The following SAMMSON variants were observed in gnomAD, a reference collection of about 807,000 sequenced individuals.
SAMMSON encodes the protein survival associated mitochondrial melanoma specific oncogenic non-coding RNA, also known as long intergenic non-protein coding RNA 1212.
At chr3:70,145,158 A>T (rs1265811020) in intron 4 of SAMMSON, among the ~76,000 whole-genome samples, 1 of 152,128 alleles carries the variant, frequency 6.6e-6, no homozygotes, top group East Asian at 1.9e-4. Context: ...TATCCTCCAG[A>T]TGCCCTCACA....
At chr3:70,322,090 C>A (rs1172436802) in intron 7 of SAMMSON, among the ~76,000 whole-genome samples, 1 of 151,926 alleles carries the variant, frequency 6.6e-6, no homozygotes, top group Non-Finnish European at 1.5e-5. Flanking sequence ...GCTTATCCTT[C>A]AAAAATTTGC....
intron 9 of SAMMSON, among the ~76,000 whole-genome samples, chr3:70,360,112 A>G (rs565023246): frequency 6.6e-6 from 1 of 152,272 alleles, no homozygotes; most frequent in South Asian, 2.1e-4. Flanking sequence ...TTGTCTATGT[A>G]AGAAATGAAC....
In SAMMSON at chr3:70,149,247, C is replaced by T. The variant is rs753268223; in HGVS notation, n.507+77682C>T. 1.2e-3 allele frequency among the ~76,000 whole-genome samples: 187 copies of T among 152,030 alleles called. 4 individuals carry two copies. Among genetic ancestry groups the T allele is most frequent in the Non-Finnish European group, 2.1e-4 (14 of 68,000 alleles). On this transcript the variant is annotated intron_variant and non_coding_transcript_variant, in intron 4 of 9. Coordinates refer to ENST00000642114, the Ensembl canonical transcript of SAMMSON. ...TTGATTTTGATGTAAAGCTGTTAGT[C>T]TCTTTATATACCAGACAATTCCTTA...
At chr3:70,171,471 T>A (rs1700949762) in intron 4 of SAMMSON, among the ~76,000 whole-genome samples, 1 of 151,794 alleles carries the variant, frequency 6.6e-6, no homozygotes, top group Non-Finnish European at 1.5e-5. Context: ...AATTTATAGG[T>A]TTTATGTATA....
chr3:70,036,387 C>T (rs911463422), intron 3 of SAMMSON, among the ~76,000 whole-genome samples: 2 of 152,240 alleles, frequency 1.3e-5, no homozygotes, highest in East Asian at 1.9e-4. Context: ...AGCTCTCCCC[C>T]ACTGTCTGCT....
chr3:70,314,624 A>C (rs971521171), intron 7 of SAMMSON, among the ~76,000 whole-genome samples: 2 of 152,148 alleles, frequency 1.3e-5, no homozygotes, highest in Non-Finnish European at 2.9e-5. Flanking sequence ...ACCTGGAGAG[A>C]ATGAGCCAGG....
chr3:70,334,536 G>C (rs937435121), intron 7 of SAMMSON, among the ~76,000 whole-genome samples: 1 of 151,942 alleles, frequency 6.6e-6, no homozygotes, highest in Non-Finnish European at 1.5e-5. Context: ...TTTCCTTCTT[G>C]CTACCTAGTG....
At chr3:70,409,478 A>AG (rs1170591276) in intron 2 of SAMMSON, among the ~76,000 whole-genome samples, 1 of 151,862 alleles carries the variant, frequency 6.6e-6, no homozygotes, top group Non-Finnish European at 1.5e-5. Context: ...AAAAAAAAAA[A>AG]GAATTAGAGA....
chr3:70,400,577 C>A lies in SAMMSON; in HGVS notation n.233+42253C>A, dbSNP rs146147942. ...ATAAACATCTTTTCTTTATTAATTT[C>A]CCAGCCTCAGGTATTTTGTTATAGC... is the stretch of plus-strand genomic sequence containing the variant. On this transcript the variant is annotated intron_variant and non_coding_transcript_variant, in intron 2 of 3. Transcript: ENST00000641053. 3.0e-3 allele frequency among the ~76,000 whole-genome samples: 463 copies of A among 152,252 alleles called. 3 individuals are homozygous for A. Among genetic ancestry groups the A allele is most frequent in the African/African-American group, 0.01 (421 of 41,556 alleles).
chr3:70,294,673 C>G (rs920470340), intron 7 of SAMMSON, among the ~76,000 whole-genome samples: 1 of 152,028 alleles, frequency 6.6e-6, no homozygotes, highest in Non-Finnish European at 1.5e-5. Flanking sequence ...TAATTTATGA[C>G]TCATATATCC....
intron 7 of SAMMSON, among the ~76,000 whole-genome samples, chr3:70,343,310 T>C (rs995784488): frequency 6.6e-6 from 1 of 152,276 alleles, no homozygotes; most frequent in East Asian, 1.9e-4. Flanking sequence ...AACTAAAGGT[T>C]CTTTTTCGGT....
At chr3:70,286,258 G>A (rs867892983) in intron 6 of SAMMSON, among the ~76,000 whole-genome samples, 1 of 152,178 alleles carries the variant, frequency 6.6e-6, no homozygotes, top group African/African-American at 2.4e-5. Flanking sequence ...AAGGGATCCA[G>A]TTTCAGCTTT....
intron 4 of SAMMSON, among the ~76,000 whole-genome samples, chr3:70,088,464 G>A (rs999024548): frequency 4.6e-5 from 7 of 152,140 alleles, no homozygotes; most frequent in Non-Finnish European, 1.0e-4. Context: ...CGTGCACCAT[G>A]GTGCATCTCA....
chr3:70,154,925 G>T (rs971947936), intron 4 of SAMMSON, among the ~76,000 whole-genome samples: 2 of 151,834 alleles, frequency 1.3e-5, no homozygotes, highest in Non-Finnish European at 2.9e-5. Flanking sequence ...AAAGGGTAGG[G>T]GTTCATGACA....
intron 9 of SAMMSON, among the ~76,000 whole-genome samples, chr3:70,358,959 A>G (rs1483448587): frequency 3.3e-5 from 5 of 152,102 alleles, no homozygotes; most frequent in East Asian, 1.9e-4. Flanking sequence ...TTGTGCACAC[A>G]GTGGCTCTTA....
chr3:70,220,041 A>AT (rs1281869287), intron 4 of SAMMSON, among the ~76,000 whole-genome samples: 1 of 152,132 alleles, frequency 6.6e-6, no homozygotes. Context: ...TAAAGAAAAG[A>AT]TTTTTCAAGT....
chr3:70,184,417 A>G (rs888526542), intron 4 of SAMMSON, among the ~76,000 whole-genome samples: 3 of 152,212 alleles, frequency 2.0e-5, no homozygotes, highest in Non-Finnish European at 4.4e-5. Flanking sequence ...CTGTGCTTCC[A>G]AACAACCTTC....
intron 9 of SAMMSON, among the ~76,000 whole-genome samples, chr3:70,361,214 C>G (rs937910545): frequency 1.1e-4 from 17 of 152,154 alleles, no homozygotes; most frequent in Non-Finnish European, 7.4e-5. Flanking sequence ...TGTGAGTCAT[C>G]ATCCTGGTTG....
intron 4 of SAMMSON, among the ~76,000 whole-genome samples, chr3:70,114,160 T>C (rs996473683): frequency 6.6e-6 from 1 of 152,180 alleles, no homozygotes; most frequent in African/African-American, 2.4e-5. Context: ...AGAAGGAAGT[T>C]TGACCTTGAG....
Sources: allele counts gnomAD v4.1 joint callset (sites outside exome capture counted in the v4.1 genomes callset), GRCh38; gene constraint gnomAD v4.1.1; transcripts MANE v1.5; gene names NCBI Gene and HGNC (gene_info 2026-07-23, HGNC 2026-07-21).